FAP: variants seen among roughly 807,000 people sequenced by gnomAD.
The protein encoded by FAP is prolyl endopeptidase FAP.
A neutral mutation model predicts 126.5 loss-of-function variants in FAP; 110 were observed. The observed-to-expected ratio is 0.87, with a 90% CI of 0.74 to 1.02. FAP has a LOEUF of 1.02. Among genes scored for constraint, FAP ranks in the 50% least tolerant of loss-of-function variants. FAP has a pLI of 0.00. For synonymous variants in FAP, 334 were observed against 297.3 expected, an observed-to-expected ratio of 1.12 and a Z score of -1.27; for missense variants, 919 against 909.2, an observed-to-expected ratio of 1.01 and a Z score of -0.14.
At chr2:162,179,093 ACAC>A (rs1364567563) in intron 21 of FAP, among the ~76,000 whole-genome samples, 3 of 152,168 alleles carry the variant, frequency 2.0e-5, no homozygotes, top group Non-Finnish European at 2.9e-5. Flanking sequence ...TCTTTCTAAG[ACAC>A]CAATACCTTG....
intron 25 of FAP, 80 bp from the exon 26 acceptor site, chr2:162,171,160 A>C: frequency 1.0e-6 from 1 of 988,998 alleles, no homozygotes; most frequent in South Asian, 1.4e-5. Flanking sequence ...TGCTCTCAGG[A>C]CCTGATAATC....
chr2:162,189,568 C>T lies in FAP; in HGVS notation c.1549+88G>A, dbSNP rs537661800. Reference sequence around the variant, plus strand: ...TAATATTAATAGATCGCAGAATTTGCACTGTAACATTCACTCTATGCTTTT... The same window carrying T: ...TAATATTAATAGATCGCAGAATTTGTACTGTAACATTCACTCTATGCTTTT... On this transcript the variant is annotated intron_variant, in intron 18 of 25. Coordinates refer to ENST00000188790, the MANE Select transcript of FAP (RefSeq NM_004460.5). The T allele has an allele frequency of 6.8e-5, 47 of 688,910 alleles. 1 individual carries two copies. The South Asian group carries it at 7.4e-4, about 11-fold the overall frequency. 42.7% of individuals were successfully genotyped at this position (688,910 alleles called of 1,614,324 possible).
At chr2:162,236,098 G>A (rs1035981794) in intron 2 of FAP, among the ~76,000 whole-genome samples, 8 of 152,068 alleles carry the variant, frequency 5.3e-5, no homozygotes, top group African/African-American at 1.9e-4. Context: ...TATTAATAAA[G>A]TTTATTAATT....
chr2:162,232,244 A>G (rs1240845605), intron 2 of FAP, among the ~76,000 whole-genome samples: 1 of 152,250 alleles, frequency 6.6e-6, no homozygotes, highest in Admixed American at 6.5e-5. Flanking sequence ...CTACATGTAT[A>G]GTCCTGTTAA....
rs767070470 is a variant in FAP, at chr2:162,200,571, G to T, written c.1272C>A (p.Ile424=). ...EFEEYPGRRN[I]YRISIGSYPP... ...AATGAATGGACATAAATTACCTGTA[G>T]ATGTTTCTTCTTCCAGGGTATTCTT... The change falls in exon 15 of 26, where the codon ATC becomes ATA. Residue 424 remains isoleucine, a synonymous_variant. Transcript: ENST00000188790. The T allele has an allele frequency of 6.8e-7, 1 of 1,478,320 alleles. No homozygotes were observed. Among genetic ancestry groups the T allele is most frequent in the Non-Finnish European group, 9.3e-7 (1 of 1,077,328 alleles). 91.6% of individuals were successfully genotyped at this position (1,478,320 alleles called of 1,614,324 possible).
intron 9 of FAP, among the ~76,000 whole-genome samples, chr2:162,217,616 T>G (rs979659999): frequency 2.0e-5 from 3 of 152,176 alleles, no homozygotes; most frequent in African/African-American, 7.2e-5. Flanking sequence ...AGCATTTGTA[T>G]TTCATATTCT....
intron 17 of FAP, among the ~76,000 whole-genome samples, chr2:162,190,864 C>T (rs1166432311): frequency 6.6e-6 from 1 of 152,036 alleles, no homozygotes; most frequent in African/African-American, 2.4e-5. Flanking sequence ...TTCATATACT[C>T]ATGGCATTTT....
At chr2:162,188,712 G>A (rs1342770105) in intron 19 of FAP, among the ~76,000 whole-genome samples, 1 of 152,026 alleles carries the variant, frequency 6.6e-6, no homozygotes, top group Non-Finnish European at 1.5e-5. Context: ...ATTGTGTGTA[G>A]GTCAGCACTG....
intron 16 of FAP, among the ~76,000 whole-genome samples, chr2:162,196,596 C>G (rs907534421): frequency 6.6e-6 from 1 of 151,082 alleles, no homozygotes; most frequent in Non-Finnish European, 1.5e-5. Flanking sequence ...AGGTGTGATC[C>G]TAGTGGCCTA....
chr2:162,188,481 G>A, intron 19 of FAP, 118 bp from the exon 20 acceptor site: 2 of 897,408 alleles, frequency 2.2e-6, no homozygotes, highest in Non-Finnish European at 3.4e-6. Context: ...AATAACAATG[G>A]CGTTAGAACT....
At chr2:162,207,026 A>G (rs1375040090) in intron 12 of FAP, among the ~76,000 whole-genome samples, 1 of 152,222 alleles carries the variant, frequency 6.6e-6, no homozygotes, top group African/African-American at 2.4e-5. Context: ...ATTTATACTA[A>G]TACGACTAGC....
At chr2:162,229,082 G>A (rs1025982898) in intron 2 of FAP, among the ~76,000 whole-genome samples, 1 of 152,018 alleles carries the variant, frequency 6.6e-6, no homozygotes, top group African/African-American at 2.4e-5. Context: ...TTTTTAAAAA[G>A]TATAAATAAT....
chr2:162,210,216 C>G (rs1023720854), intron 11 of FAP, among the ~76,000 whole-genome samples: 6 of 152,196 alleles, frequency 3.9e-5, no homozygotes, highest in African/African-American at 1.2e-4. Flanking sequence ...AATAATTATG[C>G]CTAAATCTTC....
intron 17 of FAP, chr2:162,193,760 T>G (rs1484323461): frequency 3.9e-5 from 6 of 152,082 alleles, no homozygotes; most frequent in Admixed American, 1.3e-4. Flanking sequence ...GTTCCCAAAT[T>G]GATTCTGTTT....
intron 21 of FAP, among the ~76,000 whole-genome samples, chr2:162,177,768 T>G (rs1176586666): frequency 6.6e-6 from 1 of 152,228 alleles, no homozygotes; most frequent in East Asian, 1.9e-4. Flanking sequence ...GTAGATATTT[T>G]TGTCTGTCCT....
At chr2:162,225,026 A>C (rs1022530793) in intron 4 of FAP, among the ~76,000 whole-genome samples, 1 of 152,164 alleles carries the variant, frequency 6.6e-6, no homozygotes, top group East Asian at 1.9e-4. Context: ...CTTATTAAGC[A>C]CTTATTCTAT....
Position 162,193,185 on chromosome 2 carries a change from A to C in FAP, c.1450+1516T>G, listed in dbSNP as rs748480035. Among the ~76,000 whole-genome samples the C allele has an allele frequency of 4.8e-4, 73 of 152,218 alleles. 1 individual carries two copies. Among genetic ancestry groups the C allele is most frequent in the Admixed American group, 6.5e-5 (1 of 15,272 alleles). On this transcript the variant is annotated intron_variant, in intron 17 of 25. Coordinates refer to ENST00000188790, the MANE Select transcript of FAP (RefSeq NM_004460.5). ...AAATAAGAGACACAGCATCTGCTCC[A>C]AAACAGCAGCTGAACATTTACTATT...
At chr2:162,209,385 C>T (rs1011855136) in intron 12 of FAP, among the ~76,000 whole-genome samples, 4 of 152,100 alleles carry the variant, frequency 2.6e-5, no homozygotes, top group Non-Finnish European at 5.9e-5. Flanking sequence ...TAAAAATCCT[C>T]ATAAATTATT....
At chr2:162,242,785 T>G (rs575706519) in intron 2 of FAP, 123 bp downstream of exon 2, 10 of 704,350 alleles carry the variant, frequency 1.4e-5, no homozygotes, top group South Asian at 3.7e-5. Context: ...TATGTCTTCT[T>G]AGAAATAACA....
Sources: allele counts gnomAD v4.1 joint callset (sites outside exome capture counted in the v4.1 genomes callset), GRCh38; gene constraint gnomAD v4.1.1; transcripts MANE v1.5; gene names NCBI Gene and HGNC (gene_info 2026-07-23, HGNC 2026-07-21).